Variants in PHF21A observed in about 807,000 individuals in gnomAD.
The protein encoded by PHF21A is BHC80a.
In PHF21A, 11 loss-of-function variants were observed where a neutral mutation model predicts 82.5. That is an observed-to-expected ratio of 0.13 (90% CI 0.08 to 0.22). PHF21A has a LOEUF of 0.22. PHF21A is among the 10% of genes least tolerant of loss of function. PHF21A has a pLI of 1.00. For synonymous variants in PHF21A, 297 were observed against 302.8 expected, an observed-to-expected ratio of 0.98 and a Z score of 0.20; for missense variants, 579 against 837.8, an observed-to-expected ratio of 0.69 and a Z score of 3.81.
chr11:46,086,180 A>G (rs2096854863), intron 3 of PHF21A, among the ~76,000 whole-genome samples: 1 of 151,424 alleles, frequency 6.6e-6, no homozygotes, highest in Non-Finnish European at 1.5e-5. Context: ...GTGCAGTGGC[A>G]CGATCTCAGC....
rs529743298 is a variant in PHF21A at position 46,091,130 on chromosome 11, A to G, written c.-195-564T>C. 6.6e-5 allele frequency among the ~76,000 whole-genome samples: 10 copies of G among 152,318 alleles called. No homozygotes were observed. The East Asian group carries it at 9.6e-4, about 15-fold the overall frequency. ...TGTTCAAATCCCAGTCCCCAAAAGG[A>G]AGAGAGACACCACAAGCACCATAAA... On this transcript the variant is annotated intron_variant, in intron 2 of 18. Coordinates refer to ENST00000676320, the MANE Select transcript of PHF21A (RefSeq NM_001352027.3).
At chr11:46,049,460 C>T (rs925359557) in intron 6 of PHF21A, 35 of 456,034 alleles carry the variant, frequency 7.7e-5, no homozygotes, top group African/African-American at 6.6e-4. Flanking sequence ...GTGGCATCTG[C>T]AAGCCAAATA....
At chr11:45,946,891 C>T (rs1011592830) in intron 14 of PHF21A, among the ~76,000 whole-genome samples, 2 of 152,160 alleles carry the variant, frequency 1.3e-5, no homozygotes, top group Non-Finnish European at 2.9e-5. Context: ...GCTTTTAGAG[C>T]TATTGAGAGG....
At chr11:45,973,510 G>A (rs2093877562) in intron 7 of PHF21A, among the ~76,000 whole-genome samples, 1 of 152,074 alleles carries the variant, frequency 6.6e-6, no homozygotes, top group African/African-American at 2.4e-5. Flanking sequence ...TATTCTCTTT[G>A]CCATTGCCTC....
chr11:45,939,899 A>G (rs192757314), intron 15 of PHF21A, among the ~76,000 whole-genome samples: 1 of 152,258 alleles, frequency 6.6e-6, no homozygotes, highest in Non-Finnish European at 1.5e-5. Flanking sequence ...ACTGAAGGGA[A>G]GTGCTAGAGG....
intron 6 of PHF21A, among the ~76,000 whole-genome samples, chr11:46,008,610 G>C (rs1035266568): frequency 6.6e-6 from 1 of 152,142 alleles, no homozygotes; most frequent in African/African-American, 2.4e-5. Context: ...AGATATGGTG[G>C]AAATGTGACT....
intron 6 of PHF21A, among the ~76,000 whole-genome samples, chr11:45,987,486 T>G (rs886158402): frequency 6.6e-6 from 1 of 150,448 alleles, no homozygotes; most frequent in Non-Finnish European, 1.5e-5. Context: ...ATGGTGAAAC[T>G]CCGTCTCTAC....
intron 10 of PHF21A, among the ~76,000 whole-genome samples, chr11:45,963,395 G>A (rs1484495303): frequency 3.4e-5 from 5 of 146,776 alleles, no homozygotes; most frequent in Admixed American, 1.4e-4. Flanking sequence ...ACTCCAGCTT[G>A]GGTGACAAGA....
At chr11:45,949,726 C>CT (rs1399009168) in intron 12 of PHF21A, among the ~76,000 whole-genome samples, 1 of 152,204 alleles carries the variant, frequency 6.6e-6, no homozygotes, top group African/African-American at 2.4e-5. Flanking sequence ...ATAGACAACA[C>CT]TTGTAAACAA....
At chr11:46,021,928 C>A (rs934822142) in intron 6 of PHF21A, among the ~76,000 whole-genome samples, 2 of 151,998 alleles carry the variant, frequency 1.3e-5, no homozygotes, top group African/African-American at 4.8e-5. Flanking sequence ...AAGGAAAAAA[C>A]CACCATGGGA....
rs1161911256 is a variant in PHF21A, at chr11:46,084,321, G to A, written c.-83-19C>T. ...ACTGCAGCTGTAAAGATCATAAAATGTTTTGGATCATTACATTTGGAATAA... is the reference window on the plus strand; with the variant it reads ...ACTGCAGCTGTAAAGATCATAAAATATTTTGGATCATTACATTTGGAATAA... On this transcript the variant is annotated intron_variant, in intron 3 of 18. Coordinates refer to ENST00000676320, the MANE Select transcript of PHF21A (RefSeq NM_001352027.3). The A allele has an allele frequency of 3.8e-5, 29 of 770,570 alleles. No individual in the cohort carries two copies. Among genetic ancestry groups the A allele is most frequent in the Non-Finnish European group, 6.0e-5 (29 of 482,978 alleles). The allele number at this position is 770,570 out of a possible 1,614,324, so 47.7% of individuals were successfully genotyped here. A position where few individuals can be genotyped will look rare whatever the true frequency, so the allele number is the denominator to read the frequency against.
intron 6 of PHF21A, among the ~76,000 whole-genome samples, chr11:46,054,495 GA>G (rs1392306052): frequency 2.0e-5 from 3 of 152,122 alleles, no homozygotes; most frequent in Non-Finnish European, 2.9e-5. Flanking sequence ...CGAAGATTCT[GA>G]TTCAACTGGT....
At chr11:45,971,675 C>A (rs1256950434) in intron 7 of PHF21A, among the ~76,000 whole-genome samples, 1 of 152,046 alleles carries the variant, frequency 6.6e-6, no homozygotes, top group Non-Finnish European at 1.5e-5. Context: ...TATACAGATA[C>A]AGAATGTGAG....
intron 6 of PHF21A, among the ~76,000 whole-genome samples, chr11:46,011,482 A>G (rs1458025168): frequency 1.3e-5 from 2 of 151,916 alleles, no homozygotes; most frequent in African/African-American, 4.8e-5. Context: ...ACAGTGCAAG[A>G]TTCAGTCTCA....
intron 17 of PHF21A, 53 bp from the exon 18 acceptor site, chr11:45,935,792 G>A: frequency 1.2e-6 from 1 of 809,286 alleles, no homozygotes; most frequent in Non-Finnish European, 2.0e-6. Context: ...TTAATTCTTT[G>A]AAATGTCCTC....
chr11:45,999,122 C>T (rs958610282), intron 6 of PHF21A, among the ~76,000 whole-genome samples: 17 of 152,110 alleles, frequency 1.1e-4, no homozygotes, highest in Admixed American at 2.6e-4. Context: ...CCACTGTGCC[C>T]GGCCAGAACC....
At chr11:45,950,069 G>A (rs2091898268) in intron 12 of PHF21A, 137 bp downstream of exon 12, 9 of 648,700 alleles carry the variant, frequency 1.4e-5, no homozygotes, top group Non-Finnish European at 2.3e-5. Flanking sequence ...CCCACTAAAG[G>A]AAATAAAGTC....
Position 45,938,137 on chromosome 11 carries a change from G to T in PHF21A, c.1608+20C>A. ...CTTTGTCCTCCTCGGCCCCTCCCCT[G>T]TTGGACCCACCCACAGTACCTGGTC... On this transcript the variant is annotated intron_variant, in intron 16 of 18. Coordinates refer to ENST00000676320, the MANE Select transcript of PHF21A (RefSeq NM_001352027.3). 4 of 1,559,470 alleles carry T rather than the reference G, an allele frequency of 2.6e-6. No homozygotes were observed. Among genetic ancestry groups the T allele is most frequent in the Non-Finnish European group, 3.5e-6 (4 of 1,148,954 alleles).
chr11:45,960,353 T>A (rs780589698), intron 10 of PHF21A, among the ~76,000 whole-genome samples: 2 of 152,214 alleles, frequency 1.3e-5, no homozygotes, highest in Non-Finnish European at 2.9e-5. Context: ...CATGGAATAT[T>A]ATTCAGCCAT....
Sources: allele counts gnomAD v4.1 joint callset (sites outside exome capture counted in the v4.1 genomes callset), GRCh38; gene constraint gnomAD v4.1.1; transcripts MANE v1.5; gene names NCBI Gene and HGNC (gene_info 2026-07-23, HGNC 2026-07-21).